Variants in GLIS1 observed in about 807,000 individuals in gnomAD.
GLIS1 encodes zinc finger protein GLIS1.
GLIS1 carries 24 observed loss-of-function variants against 63.8 expected under a neutral mutation model. The ratio of observed to expected loss-of-function variants is 0.38; its 90% confidence interval spans 0.27 to 0.53. The LOEUF is 0.53. Among genes scored for constraint, GLIS1 ranks in the 20% least tolerant of loss-of-function variants. The probability of loss-of-function intolerance (pLI) is 0.85; values close to 1 mark genes in which losing one functional copy is unlikely to be tolerated. For missense variants in GLIS1, 1,036 were observed against 1,074.1 expected (o/e 0.96, Z 0.50); for synonymous variants, 450 against 482.5 (o/e 0.93, Z 0.88).
intron 4 of GLIS1, among the ~76,000 whole-genome samples, chr1:53,531,563 A>G (rs2100337475): frequency 6.6e-6 from 1 of 152,346 alleles, no homozygotes; most frequent in South Asian, 2.1e-4. Context: ...TCACTGGGAC[A>G]GACTGGCTCC....
intron 2 of GLIS1, among the ~76,000 whole-genome samples, chr1:53,730,939 GTGTTTAACAAGAAATAAT>G (rs1289992139): frequency 1.1e-4 from 16 of 152,288 alleles, no homozygotes; most frequent in Non-Finnish European, 2.9e-5. Context: ...ATCCCACCAA[GTGTTTAACAAGAAATAAT>G]TGTTTAATAG....
intron 10 of GLIS1, among the ~76,000 whole-genome samples, chr1:53,507,967 G>T (rs12038804): frequency 0.019 from 2,816 of 151,934 alleles, 82 homozygotes; most frequent in African/African-American, 0.057. Context: ...GTCACGCAGG[G>T]GGCCATGCAC....
chr1:53,663,398 G>T (rs924229288), intron 2 of GLIS1, among the ~76,000 whole-genome samples: 1 of 152,216 alleles, frequency 6.6e-6, no homozygotes, highest in Non-Finnish European at 1.5e-5. Context: ...GCAAGCGAAC[G>T]GCTCCTGGGT....
chr1:53,571,823 C>T lies in GLIS1; in HGVS notation c.1320+22285G>A, dbSNP rs905574831. Among the ~76,000 whole-genome samples, 5 of 152,266 alleles carry T rather than the reference C, an allele frequency of 3.3e-5. No individual in the cohort carries two copies. The South Asian group carries it at 1.0e-3, about 32-fold the overall frequency. ...TCGATCTCCTGACCTCGTGATCCGC[C>T]CGCCTCAGCCTCCTAAAGTGCTGGG... is the stretch of plus-strand genomic sequence containing the variant. On this transcript the variant is annotated intron_variant, in intron 4 of 10. Transcript: ENST00000628545.
At position 53,704,394 on chromosome 1, in the gene GLIS1, A is replaced by G. The variant is rs543575871; in HGVS notation, c.259+33412T>C. Among the ~76,000 whole-genome samples, 11 of 152,394 alleles carry G rather than the reference A, an allele frequency of 7.2e-5. No homozygotes were observed. The South Asian group carries it at 2.1e-3, about 29-fold the overall frequency. ...AAAGAGAGGGGAAGTAACTTACCCA[A>G]GGACACACAGAATTAGCGGCAGGGC... On this transcript the variant is annotated intron_variant, in intron 2 of 10. Coordinates refer to ENST00000628545, the MANE Select transcript of GLIS1 (RefSeq NM_001367484.1).
chr1:53,604,802 C>T (rs1324194124), intron 2 of GLIS1, among the ~76,000 whole-genome samples: 1 of 151,934 alleles, frequency 6.6e-6, no homozygotes, highest in African/African-American at 2.4e-5. Context: ...ATCTAGTCAG[C>T]AAGCTTTTTC....
At chr1:53,596,892 A>C (rs1434303811) in intron 3 of GLIS1, among the ~76,000 whole-genome samples, 1 of 152,100 alleles carries the variant, frequency 6.6e-6, no homozygotes, top group Non-Finnish European at 1.5e-5. Context: ...GTCTGAATGG[A>C]AAGTCAGTGA....
chr1:53,658,257 C>T (rs1645988280), intron 2 of GLIS1, among the ~76,000 whole-genome samples: 1 of 152,198 alleles, frequency 6.6e-6, no homozygotes, highest in Non-Finnish European at 1.5e-5. Context: ...TTTTAGCCTT[C>T]ACCATCCTAT....
At chr1:53,517,692 C>A (rs1307633252) in intron 7 of GLIS1, among the ~76,000 whole-genome samples, 1 of 152,156 alleles carries the variant, frequency 6.6e-6, no homozygotes, top group Non-Finnish European at 1.5e-5. Flanking sequence ...CTTGAGGGAG[C>A]ATCCTGCAAT....
chr1:53,592,712 T>G (rs555185767), intron 4 of GLIS1, among the ~76,000 whole-genome samples: 20 of 152,192 alleles, frequency 1.3e-4, no homozygotes, highest in African/African-American at 4.6e-4. Flanking sequence ...GCCTGTCCAA[T>G]GCACTCTCCC....
chr1:53,719,868 A>T (rs1318329007), intron 2 of GLIS1, among the ~76,000 whole-genome samples: 2 of 152,200 alleles, frequency 1.3e-5, no homozygotes, highest in Non-Finnish European at 2.9e-5. Flanking sequence ...AAAGAAAGGA[A>T]ATCAGTATAT....
rs370416610 is a variant in GLIS1 at position 53,519,415 on chromosome 1, T to C, written c.1726+1219A>G. On this transcript the variant is annotated intron_variant, in intron 7 of 10. Transcript: ENST00000628545. ...TTTTAAATCTGTTGCTACTTCAACA[T>C]TGAGGGGAAAGAATAAAAAATTAGA... Among the ~76,000 whole-genome samples the C allele has an allele frequency of 6.6e-5, 10 of 152,284 alleles. No individual in the cohort carries two copies. In the South Asian group the frequency reaches 1.4e-3, roughly 22 times the overall value.
rs78065338 is a variant in GLIS1 at position 53,667,236 on chromosome 1, T to C, written c.260-66958A>G. On this transcript the variant is annotated intron_variant, in intron 2 of 10. Coordinates refer to ENST00000628545, the MANE Select transcript of GLIS1 (RefSeq NM_001367484.1). The stretch of plus-strand genomic sequence containing the variant: ...CCTGCACGCCCACAACGGCACTTAG[T>C]TCACTCCAGGTGTATCAACCCAAAG... Among the ~76,000 whole-genome samples the C allele has an allele frequency of 9.3e-3, 1,413 of 152,324 alleles. 15 individuals are homozygous for C. Among genetic ancestry groups the C allele is most frequent in the African/African-American group, 0.03 (1,266 of 41,566 alleles).
chr1:53,731,440 T>C (rs1201846989), intron 2 of GLIS1, among the ~76,000 whole-genome samples: 1 of 152,178 alleles, frequency 6.6e-6, no homozygotes, highest in African/African-American at 2.4e-5. Flanking sequence ...TGGGCTTCCT[T>C]GGGGGCGCGC....
intron 2 of GLIS1, among the ~76,000 whole-genome samples, chr1:53,698,644 G>T (rs1041719402): frequency 6.6e-6 from 1 of 152,200 alleles, no homozygotes; most frequent in Non-Finnish European, 1.5e-5. Context: ...ACCTGGGTCC[G>T]GGTAGACCGA....
At chr1:53,564,094 G>C (rs1557452953) in intron 4 of GLIS1, among the ~76,000 whole-genome samples, 1 of 152,220 alleles carries the variant, frequency 6.6e-6, no homozygotes, top group East Asian at 1.9e-4. Flanking sequence ...TCACAAACAT[G>C]TAAGTAGAGC....
intron 2 of GLIS1, among the ~76,000 whole-genome samples, chr1:53,715,418 T>G (rs1646688047): frequency 6.6e-6 from 1 of 151,924 alleles, no homozygotes; most frequent in Non-Finnish European, 1.5e-5. Flanking sequence ...GGCAGAGTCA[T>G]GTGGAGGACA....
At position 53,539,689 on chromosome 1, in the gene GLIS1, C is replaced by T. The variant is rs1644622155; in HGVS notation, c.1321-9737G>A. ...GCCCCAGACCTGCCACATTCACAAA[C>T]ACACTAACCCCCACCCACCAGCCAC... On this transcript the variant is annotated intron_variant, in intron 4 of 10. Transcript: ENST00000628545. This position sits in a 1 kb window ranked among gnomAD's most constrained non-coding sequence, Gnocchi z 5.0. Among the ~76,000 whole-genome samples the T allele has an allele frequency of 6.6e-6, 1 of 152,154 alleles. No individual in the cohort carries two copies. The highest frequency in any genetic ancestry group is 1.5e-5 in the Non-Finnish European group (1 of 68,022).
At chr1:53,703,390 A>T (rs1286785734) in intron 2 of GLIS1, among the ~76,000 whole-genome samples, 1 of 152,128 alleles carries the variant, frequency 6.6e-6, no homozygotes, top group Non-Finnish European at 1.5e-5. Flanking sequence ...TAATCCCAAC[A>T]TTTTAAGAGG....
Sources: gnomAD v4.1 joint callset for allele counts (sites outside exome capture counted in the v4.1 genomes callset) on GRCh38, gnomAD v4.1.1 for gene constraint, Gnocchi (gnomAD v3.1) non-coding constraint, MANE v1.5 for transcripts, NCBI Gene and HGNC (gene_info 2026-07-23, HGNC 2026-07-21) for gene names.